SCN1A: variants seen among roughly 807,000 people sequenced by gnomAD.
SCN1A encodes the protein sodium voltage-gated channel alpha subunit 1, also known as sodium channel protein type 1 subunit alpha.
Under a neutral mutation model 193.7 loss-of-function variants are expected in SCN1A, and 13 were observed. The ratio of observed to expected loss-of-function variants is 0.07; its 90% CI spans 0.04 to 0.11. The LOEUF (loss-of-function observed/expected upper bound fraction) is 0.11, where lower values mean the gene tolerates loss of function less well. Among genes scored for constraint, SCN1A ranks in the 10% least tolerant of loss-of-function variants. The pLI, the probability that SCN1A is intolerant of heterozygous loss-of-function variation, is 1.00. For missense variants in SCN1A, 1,432 were observed against 2,451.1 expected, an observed-to-expected ratio of 0.58 and a Z score of 8.78; for synonymous variants, 781 against 843.6, an observed-to-expected ratio of 0.93 and a Z score of 1.29.
chr2:166,063,435 C>T (rs182599131), intron 4 of SCN1A, among the ~76,000 whole-genome samples: 2 of 151,904 alleles, frequency 1.3e-5, no homozygotes, highest in African/African-American at 4.8e-5. Flanking sequence ...TAGTTTAGGT[C>T]CAATTGTTAA....
intron 19 of SCN1A, chr2:166,016,513 G>A (rs1693324468): frequency 6.6e-6 from 1 of 151,958 alleles, no homozygotes; most frequent in East Asian, 1.9e-4. Flanking sequence ...CAATAGTGAT[G>A]GGATGCACAT....
In SCN1A at chr2:166,118,298, G is replaced by GCT. The variant is rs371947861; in HGVS notation, c.-142+8625_-142+8626insAG. ...TTCTTTGCTTACTGATTTCTATTTA[G>GCT]TTTCTTTTTTTTTTTTTTTTTTTTT... On this transcript the variant is annotated intron_variant, in intron 2 of 28. Coordinates refer to ENST00000674923, the MANE Select transcript of SCN1A (RefSeq NM_001165963.4). Among the ~76,000 whole-genome samples, 46 of 44,638 alleles carry GCT rather than the reference G, an allele frequency of 1.0e-3. 14 individuals are homozygous for GCT. The highest frequency in any genetic ancestry group is 2.9e-3 in the East Asian group (4 of 1,358). 29.3% of individuals were successfully genotyped at this position (44,638 alleles called of 152,430 possible).
chr2:165,994,370 A>G lies in SCN1A; in HGVS notation c.4628T>C (p.Phe1543Ser), dbSNP rs121917992. Residue 1543 changes from phenylalanine (F) to serine (S), a missense_variant, in exon 28 of 29, where the codon TTT becomes TCT. Around this residue, in one of 18 missense-constraint regions of SCN1A, gnomAD observed 85 missense variants for 119.1 expected, o/e 0.71. Coordinates refer to ENST00000674923, the MANE Select transcript of SCN1A (RefSeq NM_001165963.4). ...MVFDFVTRQV[F>S]DISIMILICL... ...GATGAGAATCATGATGCTTATGTCA[A>G]AAACTTGTCTGGTTACGAAGTCAAA... is the stretch of plus-strand genomic sequence containing the variant. The G allele has an allele frequency of 1.6e-5, 26 of 1,612,902 alleles. No individual in the cohort carries two copies. The highest frequency in any genetic ancestry group is 2.1e-5 in the Non-Finnish European group (25 of 1,179,376).
Position 165,991,397 on chromosome 2 carries a change from T to C in SCN1A, c.5878A>G (p.Ile1960Val), listed in dbSNP as rs1425881326. 1 of 1,613,818 alleles carries C rather than the reference T, an allele frequency of 6.2e-7. No homozygotes were observed. Residue 1960 changes from isoleucine (I) to valine (V), a missense_variant, in exon 29 of 29, where the codon ATA becomes GTA. Coordinates refer to ENST00000674923, the MANE Select transcript of SCN1A (RefSeq NM_001165963.4). ...GAGTTTTCATTTATTCTGTCAATTA[T>C]CATGTCTTCTTTTATAAGAAGATTA... ...GANLLIKEDMIIDRINENSIT... is the reference protein window; with the variant it reads ...GANLLIKEDMVIDRINENSIT...
chr2:166,065,733 G>A (rs1683771821), intron 4 of SCN1A, among the ~76,000 whole-genome samples: 2 of 152,160 alleles, frequency 1.3e-5, no homozygotes, highest in East Asian at 3.9e-4. Flanking sequence ...AATGACAGAT[G>A]TGGTCCTTAA....
At position 166,041,512 on chromosome 2, in the gene SCN1A, C is replaced by T. The variant is rs767120609; in HGVS notation, c.2177-43G>A. The T allele has an allele frequency of 2.9e-4, 346 of 1,202,378 alleles. No homozygotes were observed. Among genetic ancestry groups the T allele is most frequent in the Non-Finnish European group, 3.7e-4 (306 of 831,586 alleles). 74.5% of individuals were successfully genotyped at this position (1,202,378 alleles called of 1,614,324 possible). ...AAAAAAAGAACCACCAAAAGGTATA[C>T]TTTATACACACACATTTATTTCATA... On this transcript the variant is annotated intron_variant, in intron 15 of 28. Transcript: ENST00000674923.
intron 19 of SCN1A, among the ~76,000 whole-genome samples, chr2:166,025,314 C>G (rs997623776): frequency 1.3e-5 from 2 of 152,152 alleles, no homozygotes; most frequent in African/African-American, 4.8e-5. Flanking sequence ...TCCTACTTTC[C>G]TGCCAGCTCA....
intron 3 of SCN1A, among the ~76,000 whole-genome samples, chr2:166,074,152 A>G (rs533269116): frequency 5.9e-5 from 9 of 152,328 alleles, no homozygotes; most frequent in African/African-American, 2.2e-4. Flanking sequence ...GACCAACCTT[A>G]ATGACCAATC....
rs532218352 is a variant in SCN1A at position 166,018,551 on chromosome 2, T to C, written c.3430-2824A>G. On this transcript the variant is annotated intron_variant, in intron 19 of 28. Coordinates refer to ENST00000674923, the MANE Select transcript of SCN1A (RefSeq NM_001165963.4). ...ACCTAAGATGGTCACTCTTACAGAA[T>C]TACTTTTTAAAAATACATGTAGATT... Among the ~76,000 whole-genome samples the C allele has an allele frequency of 3.2e-3, 481 of 152,176 alleles. 1 individual carries two copies. Among genetic ancestry groups the C allele is most frequent in the Admixed American group, 7.9e-3 (121 of 15,290 alleles).
chr2:166,140,762 G>GTT (rs142569772), intron 1 of SCN1A, among the ~76,000 whole-genome samples: 1 of 152,078 alleles, frequency 6.6e-6, no homozygotes, highest in African/African-American at 2.4e-5. Context: ...TTAATTAGGT[G>GTT]TTTTTTTCTC....
At chr2:166,062,509 C>G (rs1380299374) in intron 4 of SCN1A, among the ~76,000 whole-genome samples, 1 of 152,094 alleles carries the variant, frequency 6.6e-6, no homozygotes, top group Non-Finnish European at 1.5e-5. Flanking sequence ...TCCAAGGACT[C>G]TCAGATACAG....
At chr2:165,997,528 C>T (rs1231353353) in intron 26 of SCN1A, among the ~76,000 whole-genome samples, 1 of 150,910 alleles carries the variant, frequency 6.6e-6, no homozygotes, top group Admixed American at 6.6e-5. Context: ...AAGACTGAAA[C>T]GGATAGCTTG....
intron 27 of SCN1A, 21 bp downstream of exon 27, chr2:165,995,992 A>C: frequency 6.8e-7 from 1 of 1,468,020 alleles, no homozygotes; most frequent in South Asian, 1.1e-5. Flanking sequence ...TTTTTCCCCC[A>C]TATCATTTGA....
intron 27 of SCN1A, among the ~76,000 whole-genome samples, 159 bp from the exon 28 acceptor site, chr2:165,994,575 T>C (rs1689752989): frequency 6.6e-6 from 1 of 151,982 alleles, no homozygotes; most frequent in Non-Finnish European, 1.5e-5. Context: ...TGTTAAAATT[T>C]AGTTATTTAA....
chr2:166,024,426 G>C (rs372788206), intron 19 of SCN1A, among the ~76,000 whole-genome samples: 432 of 152,208 alleles, frequency 2.8e-3, no homozygotes, highest in African/African-American at 9.9e-3. Context: ...TCTGAGATTT[G>C]TGTTAAGTAT....
chr2:166,022,245 A>G (rs555277212), intron 19 of SCN1A, among the ~76,000 whole-genome samples: 1 of 152,208 alleles, frequency 6.6e-6, no homozygotes, highest in South Asian at 2.1e-4. Context: ...ATTTCAGTGG[A>G]AAAAAGGTGA....
chr2:166,136,738 A>C (rs1276362524), intron 1 of SCN1A, among the ~76,000 whole-genome samples: 1 of 152,230 alleles, frequency 6.6e-6, no homozygotes, highest in East Asian at 1.9e-4. Context: ...CCCAGGAACT[A>C]GCAATAGAGA....
At position 165,996,419 on chromosome 2, in the gene SCN1A, A is replaced by G. The variant is rs140379894; in HGVS notation, c.4477-302T>C. On this transcript the variant is annotated intron_variant, in intron 26 of 28. Transcript: ENST00000674923. ...CTTAGTGAGTGGCGAAATTTGGTTCACTGAGATAATAAATACTTGGTACCT... is the reference window on the plus strand; with the variant it reads ...CTTAGTGAGTGGCGAAATTTGGTTCGCTGAGATAATAAATACTTGGTACCT... The G allele has an allele frequency of 1.1e-5, 3 of 265,500 alleles. No homozygotes were observed. In the East Asian group the frequency reaches 3.0e-4, roughly 26 times the overall value. The allele number at this position is 265,500 out of a possible 1,614,324, so 16.4% of individuals were successfully genotyped here.
At chr2:166,027,914 A>G (rs1314246374) in intron 19 of SCN1A, among the ~76,000 whole-genome samples, 1 of 152,178 alleles carries the variant, frequency 6.6e-6, no homozygotes, top group Non-Finnish European at 1.5e-5. Context: ...AAGACACTGT[A>G]ATGAGACTCA....
Sources: gnomAD v4.1 joint callset for allele counts (sites outside exome capture counted in the v4.1 genomes callset) on GRCh38, gnomAD v4.1.1 for gene constraint, gnomAD v4.1.1 regional missense constraint, MANE v1.5 for transcripts, NCBI Gene and HGNC (gene_info 2026-07-23, HGNC 2026-07-21) for gene names.